Variants in FLACC1 observed in about 807,000 individuals in gnomAD.
FLACC1 encodes flagellum-associated coiled-coil domain-containing protein 1.
FLACC1 carries 66 observed loss-of-function variants against 62.8 expected under a neutral mutation model. The observed-to-expected ratio is 1.05, with a 90% CI of 0.86 to 1.29. The LOEUF (loss-of-function observed/expected upper bound fraction) is 1.29. Ranked by LOEUF, FLACC1 falls within the 50% of genes most tolerant of loss-of-function variation. FLACC1 has a pLI of 0.00. For missense variants in FLACC1, 452 were observed against 489.1 expected (o/e 0.92, Z 0.71); for synonymous variants, 156 against 161.0 (o/e 0.97, Z 0.24).
intron 3 of FLACC1, among the ~76,000 whole-genome samples, 188 bp downstream of exon 3, chr2:201,350,523 C>CA (rs1951004065): frequency 6.6e-6 from 1 of 151,916 alleles, no homozygotes; most frequent in African/African-American, 2.4e-5. Context: ...TACTAAAATA[C>CA]AAAAAAGTAG....
chr2:201,296,379 G>C (rs1949862193), intron 12 of FLACC1, among the ~76,000 whole-genome samples: 1 of 152,026 alleles, frequency 6.6e-6, no homozygotes, highest in African/African-American at 2.4e-5. Flanking sequence ...GGATGAAGCT[G>C]GAAACCATCA....
intron 11 of FLACC1, among the ~76,000 whole-genome samples, chr2:201,299,528 C>T (rs1206167185): frequency 6.6e-6 from 1 of 152,140 alleles, no homozygotes; most frequent in Non-Finnish European, 1.5e-5. Flanking sequence ...ATTATATTTT[C>T]ATCAAAAGCT....
upstream of FLACC1, among the ~76,000 whole-genome samples, chr2:201,359,700 C>A (rs1407965607): frequency 6.6e-6 from 1 of 152,082 alleles, no homozygotes; most frequent in African/African-American, 2.4e-5. Context: ...CTCTGTTATG[C>A]CAGCCTCGGT....
intron 8 of FLACC1, 104 bp from the exon 9 acceptor site, chr2:201,330,626 C>T (rs1950574515): frequency 6.6e-7 from 1 of 1,524,776 alleles, no homozygotes; most frequent in African/African-American, 1.4e-5. Flanking sequence ...CCAAACTCAT[C>T]ACCAAGGTAG....
chr2:201,331,994 A>G (rs74639736), intron 7 of FLACC1, among the ~76,000 whole-genome samples: 10,042 of 152,248 alleles, frequency 0.066, 611 homozygotes, highest in East Asian at 0.25. Context: ...TTTCCCCTCA[A>G]TGTTGCTGTA....
At chr2:201,301,249 G>A (rs1210812037) in intron 11 of FLACC1, among the ~76,000 whole-genome samples, 1 of 152,166 alleles carries the variant, frequency 6.6e-6, no homozygotes, top group Non-Finnish European at 1.5e-5. Context: ...ACCTGATGGA[G>A]CTGAAAATCA....
intron 7 of FLACC1, among the ~76,000 whole-genome samples, chr2:201,335,910 T>C (rs1161946232): frequency 2.0e-5 from 3 of 152,236 alleles, no homozygotes; most frequent in African/African-American, 7.2e-5. Flanking sequence ...AATTTATTCC[T>C]AGCTATCTTA....
At chr2:201,342,015 G>A (rs796376602) in intron 7 of FLACC1, among the ~76,000 whole-genome samples, 33 of 152,318 alleles carry the variant, frequency 2.2e-4, no homozygotes, top group African/African-American at 7.5e-4. Flanking sequence ...AGAGAAGAAC[G>A]AGGAGATGGT....
At chr2:201,340,073 G>A (rs534644290) in intron 7 of FLACC1, among the ~76,000 whole-genome samples, 4 of 152,264 alleles carry the variant, frequency 2.6e-5, no homozygotes, top group Admixed American at 6.5e-5. Context: ...TGGTGGTAGC[G>A]GCAGGTTGAG....
At position 201,309,905 on chromosome 2, in the gene FLACC1, CAAAAA is replaced by C. The variant is rs1161849891; in HGVS notation, c.676-660_676-656del. Among the ~76,000 whole-genome samples the C allele has an allele frequency of 3.6e-4, 16 of 44,670 alleles. No individual in the cohort carries two copies. In the Admixed American group the frequency reaches 4.6e-3, roughly 13 times the overall value. 29.3% of individuals were successfully genotyped at this position (44,670 alleles called of 152,430 possible). On this transcript the variant is annotated intron_variant, in intron 9 of 14. Coordinates refer to ENST00000392257, the MANE Select transcript of FLACC1 (RefSeq NM_001127391.3). ...CTGGTGACAGAGTGAGACTCTGTCT[CAAAAA>C]AAAAAAAAAAAAAAAAAGAAGAAGA...
At chr2:201,296,143 C>A (rs1312991143) in intron 12 of FLACC1, among the ~76,000 whole-genome samples, 3 of 152,124 alleles carry the variant, frequency 2.0e-5, no homozygotes, top group Non-Finnish European at 4.4e-5. Context: ...CCCATTTGGC[C>A]CAGCCATCCC....
chr2:201,362,917 G>C, the FLACC1 span, among the ~76,000 whole-genome samples: 96,676 of 151,950 alleles, frequency 0.64, 31,452 homozygotes, highest in South Asian at 0.79. Context: ...GTGCTCTCCC[G>C]CTTTGCAGGC....
chr2:201,313,893 T>G (rs921407517), intron 9 of FLACC1, among the ~76,000 whole-genome samples: 1 of 152,178 alleles, frequency 6.6e-6, no homozygotes, highest in African/African-American at 2.4e-5. Flanking sequence ...CAGGACTCTG[T>G]GCAGACAACC....
At chr2:201,357,581 A>G (rs1576489791), upstream of FLACC1, among the ~76,000 whole-genome samples, 1 of 152,222 alleles carries the variant, frequency 6.6e-6, no homozygotes, top group African/African-American at 2.4e-5. Context: ...AAAGTTTAAG[A>G]TATATCTTCA....
At chr2:201,317,246 A>G (rs988702032) in intron 9 of FLACC1, among the ~76,000 whole-genome samples, 1 of 152,238 alleles carries the variant, frequency 6.6e-6, no homozygotes, top group African/African-American at 2.4e-5. Flanking sequence ...ATCAGTAAAG[A>G]GGAAGTCAAA....
At chr2:201,305,946 AG>A (rs36169173) in intron 11 of FLACC1, among the ~76,000 whole-genome samples, 2 of 132,990 alleles carry the variant, frequency 1.5e-5, no homozygotes, top group East Asian at 2.7e-4. Context: ...GGGTGGGGGG[AG>A]GGGGGAAGGA....
intron 12 of FLACC1, among the ~76,000 whole-genome samples, chr2:201,290,118 G>A (rs1055397122): frequency 2.0e-5 from 3 of 152,198 alleles, no homozygotes; most frequent in Non-Finnish European, 1.5e-5. Context: ...GTGGTTTCTA[G>A]GGATTTGGAG....
chr2:201,346,667 G>C lies in FLACC1; in HGVS notation c.243C>G (p.Ile81Met), dbSNP rs763659079. 1.9e-6 allele frequency: 3 copies of C among 1,614,026 alleles called. No individual in the cohort carries two copies. Among genetic ancestry groups the C allele is most frequent in the Non-Finnish European group, 2.5e-6 (3 of 1,180,038 alleles). Residue 81 changes from isoleucine to methionine, a missense_variant, in exon 5 of 15, where the codon ATC (isoleucine) becomes ATG (methionine). Ile to Met is a conservative substitution (Grantham distance 10). This residue lies in a region of FLACC1 where 147 missense variants were observed against 152.7 expected (regional missense o/e 0.96). Coordinates refer to ENST00000392257, the MANE Select transcript of FLACC1 (RefSeq NM_001127391.3). This position sits in a 1 kb window ranked among gnomAD's most constrained non-coding sequence, Gnocchi z 4.0. ...EETNKSFYEV[I>M]NVSPGYQLVR... ...CAAGTTGATAGCCAGGTGACACGTT[G>C]ATCACTTCCTAGGCATCAAGGGAAA...
intron 1 of FLACC1, among the ~76,000 whole-genome samples, chr2:201,356,723 T>A (rs1951124903): frequency 6.6e-6 from 1 of 152,242 alleles, no homozygotes; most frequent in Non-Finnish European, 1.5e-5. Flanking sequence ...CTAGTTGATA[T>A]TTCCATGTCA....
Sources: gnomAD v4.1 joint callset for allele counts (sites outside exome capture counted in the v4.1 genomes callset) on GRCh38, gnomAD v4.1.1 for gene constraint, gnomAD v4.1.1 regional missense constraint, Gnocchi (gnomAD v3.1) non-coding constraint, MANE v1.5 for transcripts, NCBI Gene and HGNC (gene_info 2026-07-23, HGNC 2026-07-21) for gene names.